Variants in TASP1 observed in about 807,000 individuals in gnomAD.
TASP1 encodes the protein taspase 1.
TASP1 carries 16 observed loss-of-function variants against 56.6 expected under a neutral mutation model. The ratio of observed to expected loss-of-function variants is 0.28; its 90% confidence interval spans 0.19 to 0.43. TASP1 has a LOEUF of 0.43. Ranked by LOEUF, TASP1 falls within the 20% of genes least tolerant of loss-of-function variation. TASP1 has a pLI of 1.00. For synonymous variants in TASP1, 179 were observed against 184.2 expected, an observed-to-expected ratio of 0.97 and a Z score of 0.23; for missense variants, 393 against 511.6, an observed-to-expected ratio of 0.77 and a Z score of 2.24.
the TASP1 span, among the ~76,000 whole-genome samples, chr20:13,174,503 G>A: frequency 6.6e-6 from 1 of 152,158 alleles, no homozygotes; most frequent in East Asian, 1.9e-4. Context: ...TTCAAGACCA[G>A]CCTGGGCAAC....
downstream of TASP1, among the ~76,000 whole-genome samples, chr20:13,385,565 C>A (rs1312145550): frequency 1.3e-5 from 2 of 152,110 alleles, 1 homozygote; most frequent in Non-Finnish European, 2.9e-5. Context: ...CCCTAGTGGC[C>A]AAGAATACAT....
At chr20:13,248,316 T>A in the TASP1 span, among the ~76,000 whole-genome samples, 2 of 152,216 alleles carry the variant, frequency 1.3e-5, no homozygotes, top group African/African-American at 4.8e-5. Context: ...GAGTATGAAC[T>A]GCATTGCTGG....
At chr20:13,126,532 C>T in the TASP1 span, 2 of 1,593,938 alleles carry the variant, frequency 1.3e-6, no homozygotes, top group Non-Finnish European at 1.7e-6. Context: ...AGATGTAATT[C>T]CCACCACCAG....
At chr20:13,306,337 G>A in the TASP1 span, among the ~76,000 whole-genome samples, 1 of 152,082 alleles carries the variant, frequency 6.6e-6, no homozygotes. Context: ...TGCCATGGAA[G>A]AGAACAGTCT....
chr20:13,459,969 T>A (rs1325008759), intron 11 of TASP1, among the ~76,000 whole-genome samples: 1 of 152,162 alleles, frequency 6.6e-6, no homozygotes, highest in Non-Finnish European at 1.5e-5. Flanking sequence ...TTGTCTTCTA[T>A]ATAGACAAGA....
the TASP1 span, among the ~76,000 whole-genome samples, chr20:13,232,425 C>T: frequency 0.15 from 22,673 of 152,120 alleles, 1,742 homozygotes; most frequent in East Asian, 0.24. Context: ...CATGATATGG[C>T]TTTTTGCTCA....
the TASP1 span, chr20:13,299,403 G>A: frequency 1.2e-6 from 2 of 1,612,632 alleles, no homozygotes; most frequent in Non-Finnish European, 1.7e-6. This position sits in a 1 kb window ranked among gnomAD's most constrained non-coding sequence, Gnocchi z 5.8. Context: ...GAAGTGCACA[G>A]AGAGCCCCTC....
intron 4 of TASP1, among the ~76,000 whole-genome samples, chr20:13,587,771 C>G (rs1454079114): frequency 6.6e-6 from 1 of 151,500 alleles, no homozygotes; most frequent in Non-Finnish European, 1.5e-5. Context: ...AATCCAACAC[C>G]CTTTCATGAG....
Position 13,395,763 on chromosome 20 carries a change from G to A in TASP1, c.1171-5311C>T, listed in dbSNP as rs931131387. ...GTCACCCAGGCTGGAGTGCAGTGGC[G>A]CGATCTCAGCTCACTGCAACCTCCA... On this transcript the variant is annotated intron_variant, in intron 13 of 13. Coordinates refer to ENST00000337743, the MANE Select transcript of TASP1 (RefSeq NM_017714.3). Among the ~76,000 whole-genome samples, 7 of 150,276 alleles carry A rather than the reference G, an allele frequency of 4.7e-5. No homozygotes were observed. In the South Asian group the frequency reaches 1.3e-3, roughly 27 times the overall value.
At chr20:13,282,315 T>G in the TASP1 span, among the ~76,000 whole-genome samples, 1 of 152,190 alleles carries the variant, frequency 6.6e-6, no homozygotes, top group African/African-American at 2.4e-5. Context: ...GGTCTAGAAG[T>G]GAGACCTGGA....
chr20:13,303,122 A>AGGTCAGAC, the TASP1 span, among the ~76,000 whole-genome samples: 18 of 152,356 alleles, frequency 1.2e-4, no homozygotes, highest in Non-Finnish European at 2.4e-4. Context: ...AGGTTAGCTA[A>AGGTCAGAC]CTTGTTCAAG....
chr20:13,379,945 G>C, the TASP1 span, among the ~76,000 whole-genome samples: 1 of 152,208 alleles, frequency 6.6e-6, no homozygotes, highest in African/African-American at 2.4e-5. Context: ...TTCTTCTCTA[G>C]ACTGGTTATT....
chr20:13,511,820 T>G (rs1256976866), intron 10 of TASP1, among the ~76,000 whole-genome samples: 1 of 144,212 alleles, frequency 6.9e-6, no homozygotes, highest in Non-Finnish European at 1.5e-5. Context: ...GTGTTCTCAT[T>G]GTTCAATTCT....
chr20:13,252,413 C>T, the TASP1 span, among the ~76,000 whole-genome samples: 1 of 152,092 alleles, frequency 6.6e-6, no homozygotes. Flanking sequence ...ATGGGTTCAT[C>T]GTGGGGAGGC....
the TASP1 span, among the ~76,000 whole-genome samples, chr20:13,319,290 G>A: frequency 6.6e-6 from 1 of 152,080 alleles, no homozygotes; most frequent in Non-Finnish European, 1.5e-5. Flanking sequence ...GCAACTGCTG[G>A]CTCCTGCTGC....
chr20:13,443,882 T>C (rs2043305550), intron 11 of TASP1, among the ~76,000 whole-genome samples: 1 of 152,320 alleles, frequency 6.6e-6, no homozygotes, highest in African/African-American at 2.4e-5. Flanking sequence ...AACCCTGGTA[T>C]GATCAACTGG....
chr20:13,244,386 G>GAAA, the TASP1 span: 1 of 86,168 alleles, frequency 1.2e-5, no homozygotes, highest in Non-Finnish European at 2.4e-5. Context: ...GATGTCCTAT[G>GAAA]CAAAAAAAAA....
Position 13,605,807 on chromosome 20 carries a change from C to T in TASP1, c.282+17639G>A, listed in dbSNP as rs530564645. ...CATGTCCAGTAAGTAGCCAGTGCTC[C>T]TTTTAAAATCTGTCAGACTCTGTCA... On this transcript the variant is annotated intron_variant, in intron 4 of 13. Transcript: ENST00000337743. Among the ~76,000 whole-genome samples, 5 of 152,222 alleles carry T rather than the reference C, an allele frequency of 3.3e-5. No homozygotes were observed. The East Asian group carries it at 9.6e-4, about 29-fold the overall frequency.
chr20:13,389,836 A>T lies in TASP1; in HGVS notation c.*524T>A, dbSNP rs1403040365. 6.5e-6 allele frequency: 1 copy of T among 153,684 alleles called. No homozygotes were observed. Among genetic ancestry groups the T allele is most frequent in the Non-Finnish European group, 1.5e-5 (1 of 68,896 alleles). 9.5% of individuals were successfully genotyped at this position (153,684 alleles called of 1,614,324 possible). On this transcript the variant is annotated 3_prime_UTR_variant, in exon 14 of 14. Coordinates refer to ENST00000337743, the MANE Select transcript of TASP1 (RefSeq NM_017714.3). ...GAACAACAGTTTAAGTTACCACAGG[A>T]TCCACTTAAACTGGTTAACAAATAA...
Sources: allele counts gnomAD v4.1 joint callset (sites outside exome capture counted in the v4.1 genomes callset), GRCh38; gene constraint gnomAD v4.1.1; non-coding constraint Gnocchi (gnomAD v3.1); transcripts MANE v1.5; gene names NCBI Gene and HGNC (gene_info 2026-07-23, HGNC 2026-07-21).